The following COL5A1 variants were observed in gnomAD, a reference collection of about 807,000 sequenced individuals.
COL5A1 encodes the protein collagen alpha-1(V) chain.
COL5A1 carries 16 observed loss-of-function variants against 263.7 expected under a neutral mutation model. That is an observed-to-expected ratio of 0.06 (90% confidence interval 0.04 to 0.09). COL5A1 has a LOEUF of 0.09. Ranked by LOEUF, COL5A1 falls within the 10% of genes least tolerant of loss-of-function variation. COL5A1 has a pLI of 1.00. For synonymous variants in COL5A1, 1,012 were observed against 1,004.5 expected, an observed-to-expected ratio of 1.01 and a Z score of -0.14; for missense variants, 2,036 against 2,540.5, an observed-to-expected ratio of 0.80 and a Z score of 4.27.
rs750385038 is a variant in COL5A1 at position 134,701,344 on chromosome 9, G to A, written c.654+11G>A. The A allele has an allele frequency of 1.9e-5, 30 of 1,612,624 alleles. No homozygotes were observed. The South Asian group carries it at 3.1e-4, about 17-fold the overall frequency. On this transcript the variant is annotated intron_variant, in intron 4 of 65. Coordinates refer to ENST00000371817, the MANE Select transcript of COL5A1 (RefSeq NM_000093.5). ...GAGGAGGTGTTTGAGGTGAGCAGGA[G>A]GGCAGACCAACCCCTGTGCCCACCA...
At chr9:134,770,196 G>A (rs145650530) in intron 25 of COL5A1, among the ~76,000 whole-genome samples, 38 of 152,320 alleles carry the variant, frequency 2.5e-4, no homozygotes, top group African/African-American at 7.7e-4. Context: ...CCTTTGCAAA[G>A]GCAGCACATT....
chr9:134,792,798 TGTGTGC>T (rs1837748317), intron 32 of COL5A1, among the ~76,000 whole-genome samples: 2 of 136,360 alleles, frequency 1.5e-5, no homozygotes, highest in Admixed American at 7.2e-5. Flanking sequence ...TGTGTGTGCA[TGTGTGC>T]GTGCATGTGT....
chr9:134,792,881 A>ACGTGTGTGTGCGCG, intron 32 of COL5A1, among the ~76,000 whole-genome samples: 1 of 30,508 alleles, frequency 3.3e-5, no homozygotes, highest in East Asian at 4.4e-4. Context: ...GTTTGTGCAC[A>ACGTGTGTGTGCGCG]CGTGTGTGTG....
chr9:134,841,171 TC>T lies in COL5A1; in HGVS notation c.5371-984del, dbSNP rs1212428866. Among the ~76,000 whole-genome samples, 1 of 152,158 alleles carries T rather than the reference TC, an allele frequency of 6.6e-6. No individual in the cohort carries two copies. The highest frequency in any genetic ancestry group is 1.5e-5 in the Non-Finnish European group (1 of 68,028). On this transcript the variant is annotated intron_variant, in intron 65 of 65. Coordinates refer to ENST00000371817, the MANE Select transcript of COL5A1 (RefSeq NM_000093.5). This position sits in a 1 kb window ranked among gnomAD's most constrained non-coding sequence, Gnocchi z 4.8. ...GAAGGAGATCCTTCCCAGGCCCAGA[TC>T]CAGCTGCGACTGTAAATCCAGTCTG...
At chr9:134,694,498 G>A (rs4588936) in intron 2 of COL5A1, among the ~76,000 whole-genome samples, 18,241 of 152,292 alleles carry the variant, frequency 0.12, 1,445 homozygotes, top group Admixed American at 0.17. Context: ...CAGGGGCACC[G>A]CCCTCCCTTC....
At chr9:134,685,598 TCCATCCATCATCCATCCATCCAC>T in intron 1 of COL5A1, among the ~76,000 whole-genome samples, 1 of 118,476 alleles carries the variant, frequency 8.4e-6, no homozygotes, top group Non-Finnish European at 1.7e-5. Context: ...CATCCATCCA[TCCATCCATCATCCATCCATCCAC>T]CATCCATCCA....
rs141774800 is a variant in COL5A1, at chr9:134,647,378, C to CGT, written c.109+5099_109+5100dup. On this transcript the variant is annotated intron_variant, in intron 1 of 65. Coordinates refer to ENST00000371817, the MANE Select transcript of COL5A1 (RefSeq NM_000093.5). This position sits in a 1 kb window ranked among gnomAD's most constrained non-coding sequence, Gnocchi z 5.0. ...TTTGTGTGTATGTGTGTCATGTGTGCGTGTGTGTGTGTGTGTGTCAGGCCG... is the reference window on the plus strand; with the variant it reads ...TTTGTGTGTATGTGTGTCATGTGTGCGTGTGTGTGTGTGTGTGTGTCAGGCCG... Among the ~76,000 whole-genome samples, 911 of 150,528 alleles carry CGT rather than the reference C, an allele frequency of 6.1e-3. 9 individuals carry two copies. Among genetic ancestry groups the CGT allele is most frequent in the African/African-American group, 0.019 (771 of 41,170 alleles).
rs186713802 is a variant in COL5A1, at chr9:134,758,925, G to C, written c.1935+629G>C. On this transcript the variant is annotated intron_variant, in intron 18 of 65. Transcript: ENST00000371817. The surrounding 1 kb of genome is among the most constrained non-coding windows in gnomAD (Gnocchi z 4.1). Reference sequence around the variant, plus strand: ...ATAAACGGCAACAGCCAAGCCCCTCGAATCTTGAATCTGTCTCAATAGACT... The same window carrying C: ...ATAAACGGCAACAGCCAAGCCCCTCCAATCTTGAATCTGTCTCAATAGACT... 6.6e-6 allele frequency among the ~76,000 whole-genome samples: 1 copy of C among 152,136 alleles called. No individual in the cohort carries two copies. Among genetic ancestry groups the C allele is most frequent in the Non-Finnish European group, 1.5e-5 (1 of 68,016 alleles).
At chr9:134,788,511 G>T (rs928381770) in intron 31 of COL5A1, among the ~76,000 whole-genome samples, 2 of 151,356 alleles carry the variant, frequency 1.3e-5, no homozygotes, top group Admixed American at 6.6e-5. Flanking sequence ...TGGGTGGGCA[G>T]GTGGGTAGAC....
intron 63 of COL5A1, 95 bp from the exon 64 acceptor site, chr9:134,829,881 G>T: frequency 7.2e-7 from 1 of 1,396,652 alleles, no homozygotes; most frequent in East Asian, 2.5e-5. Flanking sequence ...TGCAGGCGCG[G>T]GGGCCGGGAA....
chr9:134,795,399 T>G, intron 34 of COL5A1, 84 bp downstream of exon 34: 1 of 1,146,778 alleles, frequency 8.7e-7, no homozygotes, highest in Non-Finnish European at 1.2e-6. Context: ...AGGGTGTCTG[T>G]GACCTTTTTT....
intron 4 of COL5A1, among the ~76,000 whole-genome samples, chr9:134,703,618 T>A (rs1833742039): frequency 7.2e-6 from 1 of 138,128 alleles, no homozygotes; most frequent in South Asian, 2.4e-4. Context: ...GGCCACGCGG[T>A]GGCCTCGGGT....
intron 2 of COL5A1, among the ~76,000 whole-genome samples, chr9:134,695,489 CAGG>C (rs1485683305): frequency 1.3e-5 from 2 of 152,218 alleles, no homozygotes; most frequent in Non-Finnish European, 2.9e-5. Flanking sequence ...GTGCCAGCTG[CAGG>C]GGCAGGCTGA....
intron 27 of COL5A1, 76 bp downstream of exon 27, chr9:134,774,988 T>G: frequency 7.4e-7 from 1 of 1,357,710 alleles, no homozygotes; most frequent in African/African-American, 1.4e-5. Flanking sequence ...TGGCTGGTTT[T>G]AGGGAATTCT....
intron 27 of COL5A1, among the ~76,000 whole-genome samples, chr9:134,775,453 C>T (rs972837451): frequency 6.6e-6 from 1 of 152,216 alleles, no homozygotes; most frequent in Non-Finnish European, 1.5e-5. Context: ...CACAATCATT[C>T]GTGTTTCTGC....
At chr9:134,751,726 T>G (rs1408421457) in intron 13 of COL5A1, among the ~76,000 whole-genome samples, 1 of 152,204 alleles carries the variant, frequency 6.6e-6, no homozygotes, top group Non-Finnish European at 1.5e-5. Context: ...ATCCCTTGTT[T>G]GAGAAATATT....
intron 1 of COL5A1, among the ~76,000 whole-genome samples, chr9:134,655,973 G>A (rs572152739): frequency 3.9e-5 from 6 of 152,330 alleles, no homozygotes; most frequent in East Asian, 1.9e-4. Context: ...ACCCTGGCCC[G>A]GAGTTGCCTG....
chr9:134,740,011 A>G (rs987904966), intron 11 of COL5A1, among the ~76,000 whole-genome samples: 9 of 152,140 alleles, frequency 5.9e-5, no homozygotes, highest in African/African-American at 2.2e-4. Flanking sequence ...CCACACAGTA[A>G]GATTCTCTGC....
rs548624512 is a variant in COL5A1, at chr9:134,831,545, G to A, written c.5136+1501G>A. Among the ~76,000 whole-genome samples the A allele has an allele frequency of 3.8e-4, 58 of 152,326 alleles. 1 individual carries two copies. The South Asian group carries it at 3.9e-3, about 10-fold the overall frequency. ...TTGGCCCGGAGGGACAGAGCGTAGGGGATGCTGATGTGTGGGATCAGGCAA... is the reference window on the plus strand; with the variant it reads ...TTGGCCCGGAGGGACAGAGCGTAGGAGATGCTGATGTGTGGGATCAGGCAA... On this transcript the variant is annotated intron_variant, in intron 64 of 65. Transcript: ENST00000371817.
Sources: allele counts gnomAD v4.1 joint callset (sites outside exome capture counted in the v4.1 genomes callset), GRCh38; gene constraint gnomAD v4.1.1; non-coding constraint Gnocchi (gnomAD v3.1); transcripts MANE v1.5; gene names NCBI Gene and HGNC (gene_info 2026-07-23, HGNC 2026-07-21).